TRPC4: variants seen among roughly 807,000 people sequenced by gnomAD.
TRPC4 encodes short transient receptor potential channel 4.
A neutral mutation model predicts 99.4 loss-of-function variants in TRPC4; 49 were observed. The observed-to-expected ratio is 0.49, with a 90% CI of 0.39 to 0.63. The LOEUF is 0.63. Ranked by LOEUF, TRPC4 falls within the 20% of genes least tolerant of loss-of-function variation. The pLI, the probability that TRPC4 is intolerant of heterozygous loss-of-function variation, is 0.00. For synonymous variants in TRPC4, 454 were observed against 425.9 expected (o/e 1.07, Z -0.81); for missense variants, 898 against 1,152.9 (o/e 0.78, Z 3.20).
intron 1 of TRPC4, among the ~76,000 whole-genome samples, chr13:37,830,143 A>G (rs1958374451): frequency 6.6e-6 from 1 of 152,130 alleles, no homozygotes; most frequent in African/African-American, 2.4e-5. Context: ...GTCTTATGGT[A>G]TGTGAATTAT....
intron 1 of TRPC4, among the ~76,000 whole-genome samples, chr13:37,868,356 G>T (rs1959910750): frequency 6.6e-6 from 1 of 151,846 alleles, no homozygotes; most frequent in African/African-American, 2.4e-5. Flanking sequence ...AGGTGAATAA[G>T]AAAGTAGGCG....
At chr13:37,663,814 T>C in intron 5 of TRPC4, 85 bp from the exon 6 acceptor site, 1 of 1,236,078 alleles carries the variant, frequency 8.1e-7, no homozygotes, top group Non-Finnish European at 1.1e-6. Context: ...GGAAAACTAT[T>C]AAATTTTGAA....
chr13:37,723,964 TAAATG>T (rs1954953951), intron 3 of TRPC4, among the ~76,000 whole-genome samples: 1 of 152,182 alleles, frequency 6.6e-6, no homozygotes, highest in Non-Finnish European at 1.5e-5. Flanking sequence ...AACTGGCTTA[TAAATG>T]CAAAGATTCT....
chr13:37,655,027 A>G (rs1251729922), intron 7 of TRPC4, 61 bp downstream of exon 7: 18 of 1,246,078 alleles, frequency 1.4e-5, no homozygotes, highest in Non-Finnish European at 1.9e-5. Context: ...AAGATGGAGT[A>G]TAGCTAAGAA....
intron 1 of TRPC4, among the ~76,000 whole-genome samples, chr13:37,793,205 T>C (rs944553529): frequency 2.6e-5 from 4 of 152,192 alleles, no homozygotes; most frequent in African/African-American, 7.2e-5. Flanking sequence ...AAATAAATAT[T>C]AGTCTATCCT....
chr13:37,798,880 T>C (rs986392565), intron 1 of TRPC4, among the ~76,000 whole-genome samples: 2 of 152,096 alleles, frequency 1.3e-5, no homozygotes, highest in African/African-American at 2.4e-5. Flanking sequence ...TCTTCTTTAG[T>C]ATTTTGTAAT....
intron 2 of TRPC4, among the ~76,000 whole-genome samples, chr13:37,750,769 A>G (rs61955520): frequency 0.37 from 56,503 of 151,856 alleles, 11,992 homozygotes; most frequent in Non-Finnish European, 0.49. Flanking sequence ...ATCTACATTA[A>G]GTATTTTTCC....
intron 1 of TRPC4, among the ~76,000 whole-genome samples, chr13:37,827,655 A>C (rs564610014): frequency 1.3e-5 from 2 of 152,166 alleles, no homozygotes; most frequent in Admixed American, 6.5e-5. Flanking sequence ...GCGTACTGGG[A>C]GAACCACTGC....
intron 8 of TRPC4, among the ~76,000 whole-genome samples, chr13:37,649,578 C>T (rs552605368): frequency 1.3e-5 from 2 of 151,436 alleles, no homozygotes; most frequent in African/African-American, 2.4e-5. Flanking sequence ...ACTAAAAATA[C>T]AAAAAATTAG....
intron 8 of TRPC4, among the ~76,000 whole-genome samples, chr13:37,650,110 C>T (rs1951990426): frequency 6.6e-6 from 1 of 152,160 alleles, no homozygotes; most frequent in African/African-American, 2.4e-5. Flanking sequence ...GGAGAAAGCT[C>T]CATTTGGTGC....
In TRPC4 at chr13:37,655,211, T is replaced by G; in HGVS notation, c.1761A>C (p.Lys587Asn). 1 of 1,609,622 alleles carries G rather than the reference T, an allele frequency of 6.2e-7. No individual in the cohort carries two copies. Among genetic ancestry groups the G allele is most frequent in the Non-Finnish European group, 8.5e-7 (1 of 1,177,518 alleles). The change falls in exon 7 of 11, where the codon AAA becomes AAC. Residue 587 changes from lysine (K) to asparagine (N), a missense_variant. Coordinates refer to ENST00000379705, the MANE Select transcript of TRPC4 (RefSeq NM_016179.4). ...GLINLYVTNV[K>N]AQHEFTEFVG... ...CAAACTCAGTAAATTCATGCTGTGC[T>G]TTGACATTGGTCACATATAAATTGA...
chr13:37,687,878 C>A (rs752154828), intron 4 of TRPC4, among the ~76,000 whole-genome samples: 1 of 152,128 alleles, frequency 6.6e-6, no homozygotes, highest in Non-Finnish European at 1.5e-5. Context: ...ACTTTTTACT[C>A]TAGTTTAAGT....
At chr13:37,745,462 A>G (rs1955726680) in intron 3 of TRPC4, among the ~76,000 whole-genome samples, 34 of 4,290 alleles carry the variant, frequency 7.9e-3, no homozygotes, top group African/African-American at 0.015. Flanking sequence ...ATATATATAT[A>G]TATATATATA....
chr13:37,763,805 C>T (rs1189719016), intron 2 of TRPC4, among the ~76,000 whole-genome samples: 2 of 151,524 alleles, frequency 1.3e-5, no homozygotes, highest in Non-Finnish European at 3.0e-5. Context: ...TTGGAGTATG[C>T]GTGGGTGCTA....
chr13:37,657,078 T>C (rs921625031), intron 6 of TRPC4, among the ~76,000 whole-genome samples: 1 of 152,232 alleles, frequency 6.6e-6, no homozygotes, highest in Non-Finnish European at 1.5e-5. Context: ...AGGATGGAAA[T>C]TGCTTTTTTA....
chr13:37,847,285 T>G (rs1958932759), intron 1 of TRPC4, among the ~76,000 whole-genome samples: 2 of 152,042 alleles, frequency 1.3e-5, no homozygotes, highest in Admixed American at 1.3e-4. Flanking sequence ...AGATCACATA[T>G]TATGCCACAA....
intron 3 of TRPC4, among the ~76,000 whole-genome samples, chr13:37,742,843 A>G (rs1165588787): frequency 2.0e-5 from 3 of 152,202 alleles, no homozygotes; most frequent in Non-Finnish European, 4.4e-5. Flanking sequence ...ATTTCTGAAT[A>G]ACCTAAGAAT....
At chr13:37,703,432 G>A (rs1954166746) in intron 3 of TRPC4, among the ~76,000 whole-genome samples, 2 of 151,992 alleles carry the variant, frequency 1.3e-5, no homozygotes, top group African/African-American at 4.8e-5. Flanking sequence ...AAAAACCAGT[G>A]TTTTGTAACT....
chr13:37,794,621 A>G (rs569471087), intron 1 of TRPC4, among the ~76,000 whole-genome samples: 4 of 152,260 alleles, frequency 2.6e-5, no homozygotes, highest in African/African-American at 9.6e-5. Flanking sequence ...CTGTGATTCT[A>G]TTCGTCTCTG....
Sources: gnomAD v4.1 joint callset for allele counts (sites outside exome capture counted in the v4.1 genomes callset) on GRCh38, gnomAD v4.1.1 for gene constraint, MANE v1.5 for transcripts, NCBI Gene and HGNC (gene_info 2026-07-23, HGNC 2026-07-21) for gene names.